The following PCDHGB1 variants were observed in gnomAD, a reference collection of about 807,000 sequenced individuals.
PCDHGB1 encodes protocadherin gamma-B1.
PCDHGB1 carries 34 observed loss-of-function variants against 56.6 expected under a neutral mutation model. The ratio of observed to expected loss-of-function variants is 0.60; its 90% confidence interval spans 0.46 to 0.80. The LOEUF is 0.80. Among genes scored for constraint, PCDHGB1 ranks in the 30% least tolerant of loss-of-function variants. PCDHGB1 has a pLI of 0.00. For missense variants in PCDHGB1, 1,278 were observed against 1,204.6 expected (o/e 1.06, Z -0.90); for synonymous variants, 561 against 505.9 (o/e 1.11, Z -1.46).
At chr5:141,421,824 A>G in intron 1 of PCDHGB1, 1 of 1,613,768 alleles carries the variant, frequency 6.2e-7, no homozygotes, top group Non-Finnish European at 8.5e-7. Flanking sequence ...TACTGGAGGG[A>G]AGCCTGGACC....
At chr5:141,392,242 G>T (rs1294476832) in intron 1 of PCDHGB1, 1 of 152,134 alleles carries the variant, frequency 6.6e-6, no homozygotes, top group Non-Finnish European at 1.5e-5. Context: ...TTAGTTATTT[G>T]TTAGTATATA....
At chr5:141,450,627 C>G (rs947866993) in intron 1 of PCDHGB1, among the ~76,000 whole-genome samples, 1 of 151,592 alleles carries the variant, frequency 6.6e-6, no homozygotes, top group African/African-American at 2.4e-5. Context: ...GCTGGGATTA[C>G]AGATGCCTGC....
At position 141,351,658 on chromosome 5, in the gene PCDHGB1, C is replaced by T; in HGVS notation, c.1398C>T (p.Ser466=). 2 of 1,614,064 alleles carry T rather than the reference C, an allele frequency of 1.2e-6. No homozygotes were observed. The highest frequency in any genetic ancestry group is 1.7e-6 in the Non-Finnish European group (2 of 1,179,904). Residue 466 remains serine, a synonymous_variant, in exon 1 of 4, where the codon TCC becomes TCT. Coordinates refer to ENST00000523390, the MANE Select transcript of PCDHGB1 (RefSeq NM_018922.3). ...CTGAGAACAACCCACCTGGCGCCTC[C>T]ATTGCACAAGTAAGCGCCTCCGACC... ...HVSENNPPGA[S]IAQVSASDPD...
chr5:141,399,054 G>T (rs76381401), intron 1 of PCDHGB1: 1 of 1,613,694 alleles, frequency 6.2e-7, no homozygotes, highest in South Asian at 1.1e-5. Context: ...AAGAGACCAA[G>T]GAATATTCAA....
intron 1 of PCDHGB1, chr5:141,390,739 A>G (rs1459430005): frequency 5.6e-6 from 1 of 178,034 alleles, no homozygotes; most frequent in Non-Finnish European, 1.2e-5. Context: ...TATGGTCTCC[A>G]TAGTAGTCCA....
chr5:141,361,632 G>A, intron 1 of PCDHGB1: 2 of 1,613,910 alleles, frequency 1.2e-6, no homozygotes, highest in Non-Finnish European at 1.7e-6. Context: ...TGAAGCCGCG[G>A]GAGATTTTAT....
chr5:141,405,164 T>C, intron 1 of PCDHGB1: 1 of 1,614,076 alleles, frequency 6.2e-7, no homozygotes, highest in East Asian at 2.2e-5. Flanking sequence ...TGTGCCCACC[T>C]CACACTTTGT....
At chr5:141,392,987 G>T in intron 1 of PCDHGB1, 1 of 1,613,930 alleles carries the variant, frequency 6.2e-7, no homozygotes. Context: ...ACCCCCGGAA[G>T]CTGGCGAAGC....
chr5:141,480,951 G>A (rs924500955), intron 1 of PCDHGB1, among the ~76,000 whole-genome samples: 4 of 152,038 alleles, frequency 2.6e-5, no homozygotes, highest in Non-Finnish European at 2.9e-5. Flanking sequence ...AGGCTGAGGC[G>A]GAAGCATCAG....
At position 141,432,370 on chromosome 5, in the gene PCDHGB1, C is replaced by A. The variant is rs1362496624; in HGVS notation, c.2410-62437C>A. On this transcript the variant is annotated intron_variant, in intron 1 of 3. Transcript: ENST00000523390. The surrounding 1 kb of genome is among the most constrained non-coding windows in gnomAD (Gnocchi z 6.0). Reference sequence around the variant, plus strand: ...AAGTGAAAGTGATGGCGCGGGACAACGGGCACCCGCCCCTCAGCAGCAACG... The same window carrying A: ...AAGTGAAAGTGATGGCGCGGGACAAAGGGCACCCGCCCCTCAGCAGCAACG... The A allele has an allele frequency of 6.2e-7, 1 of 1,614,240 alleles. No homozygotes were observed. The highest frequency in any genetic ancestry group is 8.5e-7 in the Non-Finnish European group (1 of 1,180,048).
chr5:141,477,087 C>T lies in PCDHGB1; in HGVS notation c.2410-17720C>T, dbSNP rs748424193. ...AAACTCCATGAGATTTACATCCAGG[C>T]CAAAGACAAGGGCGCCAATCCCGAA... On this transcript the variant is annotated intron_variant, in intron 1 of 3. Coordinates refer to ENST00000523390, the MANE Select transcript of PCDHGB1 (RefSeq NM_018922.3). The surrounding 1 kb of genome is among the most constrained non-coding windows in gnomAD (Gnocchi z 4.9). The T allele has an allele frequency of 1.2e-6, 2 of 1,614,244 alleles. No individual in the cohort carries two copies. Among genetic ancestry groups the T allele is most frequent in the Admixed American group, 3.3e-5 (2 of 60,032 alleles).
intron 1 of PCDHGB1, chr5:141,414,875 T>G: frequency 6.2e-7 from 1 of 1,614,196 alleles, no homozygotes; most frequent in Non-Finnish European, 8.5e-7. Context: ...CCCGAGATCC[T>G]GTACCCCGCC....
Position 141,487,591 on chromosome 5 carries a change from C to G in PCDHGB1, c.2410-7216C>G, listed in dbSNP as rs2099653282. The G allele has an allele frequency of 1.2e-6, 2 of 1,614,176 alleles. No individual in the cohort carries two copies. The highest frequency in any genetic ancestry group is 1.7e-6 in the Non-Finnish European group (2 of 1,180,036). ...AGCCTGTTCGCCCAAGCTGCCCACC[C>G]TCTGATCTTCTCTATGGGCTAGAGG... is the stretch of plus-strand genomic sequence containing the variant. On this transcript the variant is annotated intron_variant, in intron 1 of 3. Coordinates refer to ENST00000523390, the MANE Select transcript of PCDHGB1 (RefSeq NM_018922.3). The surrounding 1 kb of genome is among the most constrained non-coding windows in gnomAD (Gnocchi z 5.0).
rs2095935492 is a variant in PCDHGB1 at position 141,415,755 on chromosome 5, T to TG, written c.2409+63086_2409+63087insG. ...GTTTATTAAGGTTTTTTTTTTTTTT[T>TG]TTTTTTTTTTTTTTTTTACTTTCTG... On this transcript the variant is annotated intron_variant, in intron 1 of 3. Coordinates refer to ENST00000523390, the MANE Select transcript of PCDHGB1 (RefSeq NM_018922.3). 10 of 1,387,646 alleles carry TG rather than the reference T, an allele frequency of 7.2e-6. No individual in the cohort carries two copies. The African/African-American group carries it at 1.4e-4, about 19-fold the overall frequency. The allele number at this position is 1,387,646 out of a possible 1,614,324, so 86.0% of individuals were successfully genotyped here.
At chr5:141,433,066 C>A in intron 1 of PCDHGB1, 2 of 1,614,210 alleles carry the variant, frequency 1.2e-6, no homozygotes, top group Non-Finnish European at 1.7e-6. Context: ...GTCACCTGAT[C>A]TTCCCCCAGC....
chr5:141,360,990 C>T (rs1486053605), intron 1 of PCDHGB1: 1 of 1,613,336 alleles, frequency 6.2e-7, no homozygotes, highest in Non-Finnish European at 8.5e-7. Context: ...ATAATGTGGA[C>T]GAACAAGTGA....
intron 1 of PCDHGB1, among the ~76,000 whole-genome samples, chr5:141,401,282 C>T (rs963741934): frequency 2.6e-5 from 4 of 151,884 alleles, no homozygotes; most frequent in Non-Finnish European, 4.4e-5. Flanking sequence ...GTGGAGGTTG[C>T]GGTGAGCCGA....
chr5:141,353,701 C>A (rs889492986), intron 1 of PCDHGB1, among the ~76,000 whole-genome samples: 1 of 152,142 alleles, frequency 6.6e-6, no homozygotes, highest in African/African-American at 2.4e-5. Context: ...TTCCATACTT[C>A]TTGTTTCTTT....
intron 1 of PCDHGB1, among the ~76,000 whole-genome samples, chr5:141,444,012 G>T (rs1355186604): frequency 1.3e-5 from 2 of 152,058 alleles, no homozygotes; most frequent in African/African-American, 4.8e-5. Flanking sequence ...CTGGGTATTG[G>T]CTTCTAAAAG....
Sources: gnomAD v4.1 joint callset for allele counts (sites outside exome capture counted in the v4.1 genomes callset) on GRCh38, gnomAD v4.1.1 for gene constraint, Gnocchi (gnomAD v3.1) non-coding constraint, MANE v1.5 for transcripts, NCBI Gene and HGNC (gene_info 2026-07-23, HGNC 2026-07-21) for gene names.